Variants in CEP57 observed in about 807,000 individuals in gnomAD.
The protein encoded by CEP57 is centrosomal protein of 57 kDa.
In CEP57, 40 loss-of-function variants were observed where a neutral mutation model predicts 68.0. That is an observed-to-expected ratio of 0.59 (90% CI 0.46 to 0.77). The LOEUF is 0.77. Among genes scored for constraint, CEP57 ranks in the 30% least tolerant of loss-of-function variants. The probability of loss-of-function intolerance (pLI) is 0.00; values close to 1 mark genes in which losing one functional copy is unlikely to be tolerated. For missense variants in CEP57, 606 were observed against 580.7 expected (o/e 1.04, Z -0.45); for synonymous variants, 219 against 198.7 (o/e 1.10, Z -0.86).
chr11:95,808,681 C>G (rs1261582094), intron 2 of CEP57, among the ~76,000 whole-genome samples: 2 of 152,198 alleles, frequency 1.3e-5, no homozygotes, highest in African/African-American at 4.8e-5. Flanking sequence ...GCGCCCAATA[C>G]AGGAGCACCC....
intron 4 of CEP57, 79 bp downstream of exon 4, chr11:95,813,668 G>C (rs537219232): frequency 5.1e-6 from 8 of 1,556,342 alleles, no homozygotes; most frequent in Middle Eastern, 1.7e-4. Flanking sequence ...TTTTTCTTTC[G>C]GTGAGGATTA....
chr11:95,813,000 G>T lies in CEP57; in HGVS notation c.271G>T (p.Glu91Ter). 3.7e-6 allele frequency: 6 copies of T among 1,614,074 alleles called. No individual in the cohort carries two copies. The highest frequency in any genetic ancestry group is 5.1e-6 in the Non-Finnish European group (6 of 1,180,000). Residue 91 changes from glutamate to a stop codon, truncating the protein, a stop_gained, in exon 3 of 11, where the codon GAA (glutamate) becomes TAA (stop). Transcript: ENST00000325542. LOFTEE classifies it high-confidence loss of function. ...RRLELERIQA[E>*]ESVKTLSRET... is the part of the protein sequence containing the mutation. ...CTTGGAACTTGAGAGGATTCAGGCA[G>T]AAGAAAGTGTGAAAACCTTGTCTAG...
chr11:95,812,236 T>A (rs980294489), intron 2 of CEP57, among the ~76,000 whole-genome samples: 10 of 152,074 alleles, frequency 6.6e-5, no homozygotes, highest in African/African-American at 2.4e-4. Context: ...TAATAGTTAC[T>A]AATACATTTA....
At chr11:95,806,672 G>A (rs572958956) in intron 2 of CEP57, among the ~76,000 whole-genome samples, 16 of 152,338 alleles carry the variant, frequency 1.1e-4, no homozygotes, top group African/African-American at 3.6e-4. Context: ...CGAGGCTGGG[G>A]GAGGGGCATC....
Position 95,792,618 on chromosome 11 carries a change from GA to G in CEP57, c.45+1878del, listed in dbSNP as rs1244475982. ...AGAAATACCAAAGACTGTTCATTAG[GA>G]AAGCATATTTTTTTTGTGCTAAGCT... On this transcript the variant is annotated intron_variant, in intron 1 of 10. Coordinates refer to ENST00000325542, the MANE Select transcript of CEP57 (RefSeq NM_014679.5). 2.0e-5 allele frequency among the ~76,000 whole-genome samples: 3 copies of G among 152,314 alleles called. No individual in the cohort carries two copies. In the East Asian group the frequency reaches 5.8e-4, roughly 29 times the overall value.
At chr11:95,828,602 T>G (rs758521770) in intron 9 of CEP57, among the ~76,000 whole-genome samples, 2 of 152,162 alleles carry the variant, frequency 1.3e-5, no homozygotes, top group Non-Finnish European at 2.9e-5. Context: ...TAAACTTAAC[T>G]GATAAGACAT....
chr11:95,794,040 G>A (rs1324349333), intron 1 of CEP57, among the ~76,000 whole-genome samples: 2 of 152,092 alleles, frequency 1.3e-5, no homozygotes, highest in Admixed American at 6.5e-5. Flanking sequence ...CCAACAGAGC[G>A]AATGCAGAAC....
chr11:95,793,176 A>G (rs1015910572), intron 1 of CEP57, among the ~76,000 whole-genome samples: 1 of 152,208 alleles, frequency 6.6e-6, no homozygotes, highest in Non-Finnish European at 1.5e-5. Flanking sequence ...GTAGGGCGAT[A>G]GGTTTCAGTT....
chr11:95,801,962 T>C (rs909398187), intron 2 of CEP57, among the ~76,000 whole-genome samples: 7 of 152,160 alleles, frequency 4.6e-5, no homozygotes, highest in Admixed American at 3.9e-4. Context: ...TTATAGTGTT[T>C]TAATCCAACG....
chr11:95,829,211 T>C lies in CEP57; in HGVS notation c.1152T>C (p.Leu384=). The part of the protein sequence containing the change: ...MSFDHQQLAK[L]IQESPTVELK... ...GTGATCACCAGCAGCTTGCAAAACT[T>C]ATCCAGGAGTCGCCAACCGTTGAAC... Residue 384 remains leucine, a synonymous_variant, in exon 10 of 11, where the codon CTT becomes CTC. Transcript: ENST00000325542. The C allele has an allele frequency of 8.7e-6, 14 of 1,613,962 alleles. No individual in the cohort carries two copies. Among genetic ancestry groups the C allele is most frequent in the Non-Finnish European group, 1.2e-5 (14 of 1,180,002 alleles).
rs553074164 is a variant in CEP57, at chr11:95,814,937, A to G, written c.504+1348A>G. 1.9e-3 allele frequency among the ~76,000 whole-genome samples: 285 copies of G among 152,332 alleles called. 1 individual carries two copies. Among genetic ancestry groups the G allele is most frequent in the African/African-American group, 6.6e-3 (273 of 41,562 alleles). On this transcript the variant is annotated intron_variant, in intron 4 of 10. Coordinates refer to ENST00000325542, the MANE Select transcript of CEP57 (RefSeq NM_014679.5). ...TGGTATTTGCGTATAACCTACACCC[A>G]ATCTCATATACTATAAATTATCTCT... is the stretch of plus-strand genomic sequence containing the variant.
At chr11:95,823,753 T>G (rs1194461838) in intron 8 of CEP57, among the ~76,000 whole-genome samples, 2 of 152,146 alleles carry the variant, frequency 1.3e-5, no homozygotes, top group Non-Finnish European at 2.9e-5. Flanking sequence ...TTGGGAGTAT[T>G]CACTTAAAAT....
intron 4 of CEP57, among the ~76,000 whole-genome samples, chr11:95,816,194 A>G (rs1591070101): frequency 1.3e-5 from 2 of 152,192 alleles, no homozygotes; most frequent in African/African-American, 2.4e-5. Flanking sequence ...TCTTCTTCAC[A>G]TGGTGGCAAG....
At chr11:95,808,701 A>G (rs1861918188) in intron 2 of CEP57, among the ~76,000 whole-genome samples, 1 of 152,230 alleles carries the variant, frequency 6.6e-6, no homozygotes, top group Admixed American at 6.5e-5. Flanking sequence ...CAGATTCATA[A>G]AGCAAGTCCA....
chr11:95,814,422 G>A (rs573842915), intron 4 of CEP57, among the ~76,000 whole-genome samples: 67 of 145,674 alleles, frequency 4.6e-4, no homozygotes, highest in East Asian at 3.9e-3. Flanking sequence ...GAGCAACGGC[G>A]TGATCTCAGC....
Position 95,828,025 on chromosome 11 carries a change from C to T in CEP57, c.1125C>T (p.Ser375=). 6.2e-7 allele frequency: 1 copy of T among 1,612,346 alleles called. No homozygotes were observed. The highest frequency in any genetic ancestry group is 8.5e-7 in the Non-Finnish European group (1 of 1,179,364). Reference sequence around the variant, plus strand: ...TACAGGATGAATTTGGGCAAATGAGCTTGTGAGTTTTTGTTTTTTTTTTTA... The same window carrying T: ...TACAGGATGAATTTGGGCAAATGAGTTTGTGAGTTTTTGTTTTTTTTTTTA... ...QTLQDEFGQM[S]FDHQQLAKLI... is the part of the protein sequence containing the mutation. Residue 375 remains serine (S), a splice_region_variant and synonymous_variant, in exon 9 of 11, where the codon AGC becomes AGT. Coordinates refer to ENST00000325542, the MANE Select transcript of CEP57 (RefSeq NM_014679.5).
At position 95,828,049 on chromosome 11, in the gene CEP57, T is replaced by A. The variant is rs200322332; in HGVS notation, c.1127+22T>A. 8.5e-4 allele frequency: 1,358 copies of A among 1,601,962 alleles called. 5 individuals carry two copies. The African/African-American group carries it at 0.01, about 12-fold the overall frequency. On this transcript the variant is annotated intron_variant, in intron 9 of 10. Coordinates refer to ENST00000325542, the MANE Select transcript of CEP57 (RefSeq NM_014679.5). ...GCTTGTGAGTTTTTGTTTTTTTTTT[T>A]AAATTCAGTTTAGCTCTAAAACCTC...
chr11:95,820,462 A>G (rs529581047), intron 6 of CEP57, among the ~76,000 whole-genome samples: 127 of 151,570 alleles, frequency 8.4e-4, no homozygotes, highest in Middle Eastern at 3.4e-3. Flanking sequence ...ATGGTGGTGC[A>G]TGCCTGTAAT....
chr11:95,823,561 A>G (rs1189844903), intron 8 of CEP57, among the ~76,000 whole-genome samples: 1 of 152,102 alleles, frequency 6.6e-6, no homozygotes, highest in African/African-American at 2.4e-5. Context: ...AGTTTTTTTT[A>G]ATTATAATTT....
Sources: allele counts gnomAD v4.1 joint callset (sites outside exome capture counted in the v4.1 genomes callset), GRCh38; gene constraint gnomAD v4.1.1; transcripts MANE v1.5; gene names NCBI Gene and HGNC (gene_info 2026-07-23, HGNC 2026-07-21).